The following R3HDM2 variants were observed in gnomAD, a reference collection of about 807,000 sequenced individuals.
R3HDM2 encodes the protein R3H domain containing 2.
In R3HDM2, 38 loss-of-function variants were observed where a neutral mutation model predicts 124.5. The ratio of observed to expected loss-of-function variants is 0.31; its 90% confidence interval spans 0.24 to 0.40. The LOEUF (loss-of-function observed/expected upper bound fraction) is 0.40. Ranked by LOEUF, R3HDM2 falls within the 10% of genes least tolerant of loss-of-function variation. R3HDM2 has a pLI of 1.00. For missense variants in R3HDM2, 869 were observed against 1,236.9 expected, an observed-to-expected ratio of 0.70 and a Z score of 4.46; for synonymous variants, 391 against 448.0, an observed-to-expected ratio of 0.87 and a Z score of 1.61.
At chr12:57,367,936 A>G (rs2062855252) in intron 2 of R3HDM2, among the ~76,000 whole-genome samples, 2 of 151,810 alleles carry the variant, frequency 1.3e-5, no homozygotes, top group South Asian at 4.1e-4. Flanking sequence ...TTCATTAAAT[A>G]TATTTATTTT....
At chr12:57,386,269 C>T (rs535332874) in intron 2 of R3HDM2, among the ~76,000 whole-genome samples, 20 of 152,240 alleles carry the variant, frequency 1.3e-4, no homozygotes, top group African/African-American at 3.6e-4. Context: ...CTGGGCTCGC[C>T]GAGGCGGGAG....
chr12:57,398,981 C>G (rs1201453345), intron 1 of R3HDM2, among the ~76,000 whole-genome samples: 1 of 152,116 alleles, frequency 6.6e-6, no homozygotes, highest in African/African-American at 2.4e-5. Flanking sequence ...GCTAAATTGA[C>G]CCAAGTAGCA....
At chr12:57,415,574 G>A (rs1243675226) in intron 1 of R3HDM2, among the ~76,000 whole-genome samples, 1 of 15,418 alleles carries the variant, frequency 6.5e-5, no homozygotes, top group Non-Finnish European at 2.2e-4. Context: ...CACAAGGCCA[G>A]GGGTGGAAAA....
At position 57,386,569 on chromosome 12, in the gene R3HDM2, G is replaced by GCGCAGCCTGAGC. The variant is rs558593902; in HGVS notation, c.-36+9168_-36+9179dup. Among the ~76,000 whole-genome samples, 701 of 152,326 alleles carry GCGCAGCCTGAGC rather than the reference G, an allele frequency of 4.6e-3. 9 individuals are homozygous for GCGCAGCCTGAGC. Among genetic ancestry groups the GCGCAGCCTGAGC allele is most frequent in the African/African-American group, 0.016 (661 of 41,576 alleles). On this transcript the variant is annotated intron_variant, in intron 2 of 23. Coordinates refer to ENST00000402412, the MANE Select transcript of R3HDM2 (RefSeq NM_001394031.1). ...CCTCCCCCCGCTTCTGTGGGCTCCT[G>GCGCAGCCTGAGC]CGCAGCCTGAGCCTCCCTGACGAGC... is the stretch of plus-strand genomic sequence containing the variant.
intron 3 of R3HDM2, among the ~76,000 whole-genome samples, chr12:57,305,869 C>T (rs1181182755): frequency 6.6e-6 from 1 of 152,236 alleles, no homozygotes; most frequent in Non-Finnish European, 1.5e-5. Flanking sequence ...CAAAATTGAC[C>T]TAATCCTGGA....
At chr12:57,295,610 C>T in intron 9 of R3HDM2, 103 bp from the exon 10 acceptor site, 1 of 758,296 alleles carries the variant, frequency 1.3e-6, no homozygotes, top group Non-Finnish European at 2.2e-6. Flanking sequence ...AACTCACACT[C>T]AGGGAATTTC....
At position 57,348,432 on chromosome 12, in the gene R3HDM2, G is replaced by A. The variant is rs558578562; in HGVS notation, c.-35-37969C>T. ...AATAGGGCTGGGCACGGTGACTCAC[G>A]CCTGTAAACCCAGCACTTTGGGAGG... On this transcript the variant is annotated intron_variant, in intron 2 of 23. Coordinates refer to ENST00000402412, the MANE Select transcript of R3HDM2 (RefSeq NM_001394031.1). 6.0e-4 allele frequency among the ~76,000 whole-genome samples: 91 copies of A among 151,890 alleles called. No individual in the cohort carries two copies. The South Asian group carries it at 7.1e-3, about 12-fold the overall frequency.
intron 2 of R3HDM2, among the ~76,000 whole-genome samples, chr12:57,388,547 G>T (rs1347286258): frequency 6.6e-6 from 1 of 152,184 alleles, no homozygotes; most frequent in Non-Finnish European, 1.5e-5. Context: ...ATAACACCTT[G>T]TGCAGTACTG....
intron 3 of R3HDM2, among the ~76,000 whole-genome samples, chr12:57,307,593 T>C (rs2052935297): frequency 6.7e-6 from 1 of 150,352 alleles, no homozygotes; most frequent in Non-Finnish European, 1.5e-5. Flanking sequence ...AGTGCTGGGA[T>C]TATAGGCATG....
chr12:57,308,799 T>TA (rs1339872201), intron 3 of R3HDM2, among the ~76,000 whole-genome samples: 1 of 152,222 alleles, frequency 6.6e-6, no homozygotes, highest in Non-Finnish European at 1.5e-5. Flanking sequence ...TAGAATAACT[T>TA]AGACCCAAAA....
chr12:57,350,647 C>G (rs1218456716), intron 2 of R3HDM2, among the ~76,000 whole-genome samples: 1 of 152,050 alleles, frequency 6.6e-6, no homozygotes, highest in African/African-American at 2.4e-5. Flanking sequence ...ATAACTAAAA[C>G]CAAAAACAAA....
Position 57,283,927 on chromosome 12 carries a change from G to C in R3HDM2, c.1068C>G (p.Pro356=). The C allele has an allele frequency of 6.2e-7, 1 of 1,614,162 alleles. No homozygotes were observed. Among genetic ancestry groups the C allele is most frequent in the Non-Finnish European group, 8.5e-7 (1 of 1,180,024 alleles). Residue 356 remains proline, a synonymous_variant, in exon 13 of 24, where the codon CCC becomes CCG. Transcript: ENST00000402412. Reference sequence around the variant, plus strand: ...TGAAGCTGCTAGCTTTGGTGACAGGGGGTCGCATGCTCCGGACAGAGCCAT... The same window carrying C: ...TGAAGCTGCTAGCTTTGGTGACAGGCGGTCGCATGCTCCGGACAGAGCCAT... ...DSDGSVRSMR[P]PVTKASSFSG... is the part of the protein sequence containing the mutation.
At chr12:57,360,036 T>TATACAC (rs56942597) in intron 2 of R3HDM2, among the ~76,000 whole-genome samples, 7 of 78,376 alleles carry the variant, frequency 8.9e-5, no homozygotes, top group Admixed American at 1.8e-4. Context: ...CACATATATA[T>TATACAC]ATATATATAT....
chr12:57,350,389 GAAAAGAAA>G (rs2060557845), intron 2 of R3HDM2, among the ~76,000 whole-genome samples: 1 of 151,560 alleles, frequency 6.6e-6, no homozygotes. Flanking sequence ...GAAAATTTTT[GAAAAGAAA>G]AAAAAGCTTA....
At chr12:57,400,946 C>T (rs2067992883) in intron 1 of R3HDM2, among the ~76,000 whole-genome samples, 1 of 152,084 alleles carries the variant, frequency 6.6e-6, no homozygotes, top group Non-Finnish European at 1.5e-5. Flanking sequence ...TATCAGTCCC[C>T]AGCCACACCA....
At chr12:57,272,133 AG>A (rs2043726932) in intron 14 of R3HDM2, among the ~76,000 whole-genome samples, 1 of 152,194 alleles carries the variant, frequency 6.6e-6, no homozygotes, top group Admixed American at 6.5e-5. Flanking sequence ...AGACATGCCT[AG>A]GGAGCAAATT....
intron 2 of R3HDM2, among the ~76,000 whole-genome samples, chr12:57,359,415 G>A (rs1286903329): frequency 6.6e-6 from 1 of 152,108 alleles, no homozygotes; most frequent in Non-Finnish European, 1.5e-5. Flanking sequence ...TCCTCTTGAA[G>A]AACTAACTCC....
chr12:57,258,788 G>C lies in R3HDM2; in HGVS notation c.2301+102C>G, dbSNP rs2039861780. 6 of 1,148,828 alleles carry C rather than the reference G, an allele frequency of 5.2e-6. No homozygotes were observed. The Admixed American group carries it at 1.8e-4, about 34-fold the overall frequency. 71.2% of individuals were successfully genotyped at this position (1,148,828 alleles called of 1,614,324 possible). On this transcript the variant is annotated intron_variant, in intron 20 of 23. Transcript: ENST00000402412. ...GTGTTTCTCCCCAGAAAGTACCCAG[G>C]AAAAGACATGTAAAAGAGGCTGCTC... is the stretch of plus-strand genomic sequence containing the variant.
At chr12:57,429,061 TTTTA>T (rs374233897) in intron 1 of R3HDM2, among the ~76,000 whole-genome samples, 7 of 152,114 alleles carry the variant, frequency 4.6e-5, no homozygotes, top group African/African-American at 1.7e-4. Flanking sequence ...GGCATGCTAT[TTTTA>T]TTTGTCAAAT....
Sources: allele counts gnomAD v4.1 joint callset (sites outside exome capture counted in the v4.1 genomes callset), GRCh38; gene constraint gnomAD v4.1.1; transcripts MANE v1.5; gene names NCBI Gene and HGNC (gene_info 2026-07-23, HGNC 2026-07-21).